Variants in CPLANE1 observed in about 807,000 individuals in gnomAD.
CPLANE1 encodes ciliogenesis and planar polarity effector 1.
In CPLANE1, 263 loss-of-function variants were observed where a neutral mutation model predicts 362.5. The ratio of observed to expected loss-of-function variants is 0.73; its 90% CI spans 0.66 to 0.80. CPLANE1 has a LOEUF of 0.80. Among genes scored for constraint, CPLANE1 ranks in the 30% least tolerant of loss-of-function variants. CPLANE1 has a pLI of 0.00. For missense variants in CPLANE1, 3,461 were observed against 3,793.4 expected (o/e 0.91, Z 2.30); for synonymous variants, 1,212 against 1,302.6 (o/e 0.93, Z 1.50).
intron 51 of CPLANE1, among the ~76,000 whole-genome samples, chr5:37,108,833 C>T (rs1758308615): frequency 6.6e-6 from 1 of 152,192 alleles, no homozygotes; most frequent in Non-Finnish European, 1.5e-5. Flanking sequence ...CTTGTGAAAA[C>T]TTCTTAGAAG....
chr5:37,175,259 G>A (rs1780856957), intron 31 of CPLANE1, among the ~76,000 whole-genome samples: 1 of 152,192 alleles, frequency 6.6e-6, no homozygotes, highest in South Asian at 2.1e-4. Flanking sequence ...TGTAGGTACA[G>A]CTGGATGTGC....
intron 9 of CPLANE1, among the ~76,000 whole-genome samples, chr5:37,230,178 GA>G (rs1043621234): frequency 6.7e-4 from 54 of 80,540 alleles, no homozygotes; most frequent in Admixed American, 1.5e-3. Flanking sequence ...TCCGTCTCAA[GA>G]AAAAAAAAAT....
Position 37,173,737 on chromosome 5 carries a change from A to T in CPLANE1, c.6171+18T>A, listed in dbSNP as rs1780423168. 1 of 1,601,710 alleles carries T rather than the reference A, an allele frequency of 6.2e-7. No homozygotes were observed. Among genetic ancestry groups the T allele is most frequent in the African/African-American group, 1.3e-5 (1 of 74,458 alleles). ...ACACTATGTGTAGATTTACTTACTT[A>T]TATAGAGATGTGCTTACCTGAACTA... On this transcript the variant is annotated intron_variant, in intron 32 of 52. Coordinates refer to ENST00000651892, the MANE Select transcript of CPLANE1 (RefSeq NM_001384732.1).
intron 43 of CPLANE1, among the ~76,000 whole-genome samples, chr5:37,146,292 C>T (rs1218686401): frequency 6.6e-6 from 1 of 152,080 alleles, no homozygotes; most frequent in East Asian, 1.9e-4. Context: ...AATTCTCCTG[C>T]CTCAGCCTCC....
chr5:37,239,836 T>G lies in CPLANE1; in HGVS notation c.711A>C (p.Gln237His). ...GAATTAAACTACAGAGATGACAGTC[T>G]TGTTGAGCCCAATGAACATGGTATG... ...SLPYHVHWAQQDCHLCSLIPK... is the reference protein window; with the variant it reads ...SLPYHVHWAQHDCHLCSLIPK... The change falls in exon 7 of 53, where the codon CAA becomes CAC. Residue 237 changes from glutamine (Q) to histidine (H), a missense_variant. Gln to His is a conservative substitution (Grantham distance 24, BLOSUM62 0). This residue lies in a region of CPLANE1 where 3,380 missense variants were observed against 3,666.1 expected (regional missense o/e 0.92). Coordinates refer to ENST00000651892, the MANE Select transcript of CPLANE1 (RefSeq NM_001384732.1). 1 of 1,532,258 alleles carries G rather than the reference T, an allele frequency of 6.5e-7. No individual in the cohort carries two copies. The highest frequency in any genetic ancestry group is 8.8e-7 in the Non-Finnish European group (1 of 1,135,626). The allele number at this position is 1,532,258 out of a possible 1,614,324, so 94.9% of individuals were successfully genotyped here. A position where few individuals can be genotyped will look rare whatever the true frequency, so the allele number is the denominator to read the frequency against.
intron 18 of CPLANE1, 193 bp downstream of exon 18, chr5:37,205,122 A>T: frequency 3.0e-6 from 1 of 333,578 alleles, no homozygotes; most frequent in Non-Finnish European, 5.1e-6. Flanking sequence ...ACGCCACTGC[A>T]CTCCAGCCTG....
intron 14 of CPLANE1, among the ~76,000 whole-genome samples, chr5:37,222,320 A>C (rs536795910): frequency 6.6e-6 from 1 of 152,288 alleles, no homozygotes; most frequent in Admixed American, 6.5e-5. Context: ...AGCTCTTCCA[A>C]CCTTTGTCCT....
chr5:37,210,980 T>C (rs1284111487), intron 16 of CPLANE1: 1 of 784,018 alleles, frequency 1.3e-6, no homozygotes, highest in Non-Finnish European at 2.4e-6. Context: ...CTATTCAGGT[T>C]GCCGATTTAA....
In CPLANE1 at chr5:37,180,874, A is replaced by G; in HGVS notation, c.5553T>C (p.Ser1851=). ...CAACTTACTTCAAGATATTTTGACAAGATTTATTCTGACCATTTCTTTCCT... is the reference window on the plus strand; with the variant it reads ...CAACTTACTTCAAGATATTTTGACAGGATTTATTCTGACCATTTCTTTCCT... ...GTEERNGQNK[S]CQNILNRMPT... is the part of the protein sequence containing the mutation. The change falls in exon 27 of 53, where the codon TCT becomes TCC. Residue 1851 remains serine (S), a synonymous_variant. Transcript: ENST00000651892. 1 of 1,613,856 alleles carries G rather than the reference A, an allele frequency of 6.2e-7. No individual in the cohort carries two copies. The highest frequency in any genetic ancestry group is 8.5e-7 in the Non-Finnish European group (1 of 1,179,872).
chr5:37,127,014 T>G (rs1764315655), intron 46 of CPLANE1, among the ~76,000 whole-genome samples: 1 of 152,158 alleles, frequency 6.6e-6, no homozygotes, highest in Admixed American at 6.5e-5. Context: ...ATCTCCCCAG[T>G]AAAACCCCAG....
intron 16 of CPLANE1, chr5:37,211,509 G>C: frequency 7.4e-7 from 1 of 1,345,492 alleles, no homozygotes; most frequent in Non-Finnish European, 1.0e-6. Context: ...TGACATCTTG[G>C]AAGCCCTGAC....
the CPLANE1 span, among the ~76,000 whole-genome samples, chr5:37,093,032 C>A: frequency 9.9e-5 from 15 of 152,228 alleles, no homozygotes; most frequent in South Asian, 2.1e-4. Context: ...ATTTGACATG[C>A]GATTGGCAAG....
chr5:37,127,513 T>C (rs1345576863), intron 46 of CPLANE1, among the ~76,000 whole-genome samples: 1 of 150,984 alleles, frequency 6.6e-6, no homozygotes, highest in Non-Finnish European at 1.5e-5. Flanking sequence ...CTTTTTTATT[T>C]AATTTTTTTT....
intron 43 of CPLANE1, 148 bp downstream of exon 43, chr5:37,148,033 A>C: frequency 2.2e-6 from 1 of 445,124 alleles, no homozygotes; most frequent in Non-Finnish European, 3.9e-6. Context: ...ATTACAAAAA[A>C]ATAATCCTAA....
At position 37,138,906 on chromosome 5, in the gene CPLANE1, T is replaced by A. The variant is rs541764395; in HGVS notation, c.8664-58A>T. The A allele has an allele frequency of 6.3e-6, 9 of 1,429,826 alleles. No individual in the cohort carries two copies. In the Admixed American group the frequency reaches 1.3e-4, roughly 21 times the overall value. 88.6% of individuals were successfully genotyped at this position (1,429,826 alleles called of 1,614,324 possible). A position where few individuals can be genotyped will look rare whatever the true frequency, so the allele number is the denominator to read the frequency against. ...ATCAGTATCTACAACTTAATTACAT[T>A]AAGCAAAAATAAACATGTAACAAAT... On this transcript the variant is annotated intron_variant, in intron 45 of 52. Transcript: ENST00000651892.
intron 8 of CPLANE1, among the ~76,000 whole-genome samples, chr5:37,233,983 A>C (rs1798325270): frequency 6.6e-6 from 1 of 152,232 alleles, no homozygotes; most frequent in African/African-American, 2.4e-5. Flanking sequence ...CCTGTGTACT[A>C]CTGAAGAAGT....
At chr5:37,084,268 C>T in the CPLANE1 span, among the ~76,000 whole-genome samples, 2 of 152,162 alleles carry the variant, frequency 1.3e-5, no homozygotes, top group African/African-American at 4.8e-5. Flanking sequence ...ACAAGAACAG[C>T]TAAAAGGAGC....
At chr5:37,116,690 A>G (rs548147428) in intron 50 of CPLANE1, among the ~76,000 whole-genome samples, 149 of 152,168 alleles carry the variant, frequency 9.8e-4, no homozygotes, top group African/African-American at 3.2e-3. Flanking sequence ...ATACTGCTTT[A>G]CAAGATAGAA....
intron 16 of CPLANE1, among the ~76,000 whole-genome samples, chr5:37,206,998 G>A (rs1240068572): frequency 6.6e-6 from 1 of 152,122 alleles, no homozygotes; most frequent in African/African-American, 2.4e-5. Flanking sequence ...GTCAATATTA[G>A]TGTTGATTAC....
Sources: allele counts gnomAD v4.1 joint callset (sites outside exome capture counted in the v4.1 genomes callset), GRCh38; gene constraint gnomAD v4.1.1; regional missense constraint gnomAD v4.1.1; transcripts MANE v1.5; gene names NCBI Gene and HGNC (gene_info 2026-07-23, HGNC 2026-07-21).